The following PPIP5K2 variants were observed in gnomAD, a reference collection of about 807,000 sequenced individuals.
PPIP5K2 encodes the protein inositol hexakisphosphate and diphosphoinositol-pentakisphosphate kinase 2.
PPIP5K2 carries 105 observed loss-of-function variants against 154.6 expected under a neutral mutation model. The ratio of observed to expected loss-of-function variants is 0.68; its 90% CI spans 0.58 to 0.80. PPIP5K2 has a LOEUF of 0.80. Among genes scored for constraint, PPIP5K2 ranks in the 30% least tolerant of loss-of-function variants. PPIP5K2 has a pLI of 0.00. For missense variants in PPIP5K2, 992 were observed against 1,504.6 expected, an observed-to-expected ratio of 0.66 and a Z score of 5.64; for synonymous variants, 480 against 490.3, an observed-to-expected ratio of 0.98 and a Z score of 0.28.
rs1803676196 is a variant in PPIP5K2, at chr5:103,209,271, C to G, written c.*7637C>G. 1 of 151,976 alleles carries G rather than the reference C, an allele frequency of 6.6e-6. No individual in the cohort carries two copies. Among genetic ancestry groups the G allele is most frequent in the Non-Finnish European group, 1.5e-5 (1 of 68,006 alleles). 9.4% of individuals were successfully genotyped at this position (151,976 alleles called of 1,614,324 possible). On this transcript the variant is annotated 3_prime_UTR_variant, in exon 31 of 31. Coordinates refer to ENST00000358359, the MANE Select transcript of PPIP5K2 (RefSeq NM_001276277.3). ...GCTCTTTTATGGCTGCTCCTGTTGC[C>G]AGGGCAACAGCCTGCCTAGTAACAA...
At chr5:103,131,628 G>A (rs1168234754) in intron 2 of PPIP5K2, among the ~76,000 whole-genome samples, 3 of 152,088 alleles carry the variant, frequency 2.0e-5, no homozygotes, top group Non-Finnish European at 4.4e-5. Context: ...TCACTTTACA[G>A]AAGCTTGATT....
intron 3 of PPIP5K2, 62 bp from the exon 4 acceptor site, chr5:103,136,670 T>C (rs1554204353): frequency 1.5e-6 from 2 of 1,332,710 alleles, no homozygotes; most frequent in African/African-American, 2.9e-5. Flanking sequence ...CAATTCAAGT[T>C]AATAAAGTAT....
In PPIP5K2 at chr5:103,120,491, G is replaced by A. The variant is rs1554198621; in HGVS notation, c.-285+3G>A. On this transcript the variant is annotated splice_donor_region_variant and intron_variant, in intron 1 of 30. Coordinates refer to ENST00000358359, the MANE Select transcript of PPIP5K2 (RefSeq NM_001276277.3). ...CGTGACGACCGCATTCGTGGCAGGT[G>A]AGGGCCCAAAACCGGAGGAGAACCG... 1 of 456,564 alleles carries A rather than the reference G, an allele frequency of 2.2e-6. No homozygotes were observed. The highest frequency in any genetic ancestry group is 2.0e-5 in the African/African-American group (1 of 50,040). 28.3% of individuals were successfully genotyped at this position (456,564 alleles called of 1,614,324 possible).
At chr5:103,182,952 T>G (rs1554223431) in intron 24 of PPIP5K2, among the ~76,000 whole-genome samples, 2 of 152,086 alleles carry the variant, frequency 1.3e-5, no homozygotes, top group African/African-American at 4.8e-5. Flanking sequence ...TGAAGCAGTA[T>G]AAGTATTTTA....
At chr5:103,201,445 C>G in intron 30 of PPIP5K2, 77 bp from the exon 31 acceptor site, 1 of 779,402 alleles carries the variant, frequency 1.3e-6, no homozygotes, top group Non-Finnish European at 2.1e-6. Flanking sequence ...TTTTGTCAAT[C>G]AGCAGTATTA....
rs959635323 is a variant in PPIP5K2, at chr5:103,212,185, C to T, written c.*10551C>T. 6.6e-6 allele frequency: 1 copy of T among 151,984 alleles called. No homozygotes were observed. The highest frequency in any genetic ancestry group is 2.4e-5 in the African/African-American group (1 of 41,362). The allele number at this position is 151,984 out of a possible 1,614,324, so 9.4% of individuals were successfully genotyped here. A position where few individuals can be genotyped will look rare whatever the true frequency, so the allele number is the denominator to read the frequency against. On this transcript the variant is annotated 3_prime_UTR_variant, in exon 31 of 31. Coordinates refer to ENST00000358359, the MANE Select transcript of PPIP5K2 (RefSeq NM_001276277.3). Reference sequence around the variant, plus strand: ...AGGAAAGGGTTTCTCTTGACTGGACCACAAATATAAAATCTCATGCCCTCT... The same window carrying T: ...AGGAAAGGGTTTCTCTTGACTGGACTACAAATATAAAATCTCATGCCCTCT...
chr5:103,182,281 C>T (rs1356059653), intron 24 of PPIP5K2, among the ~76,000 whole-genome samples: 1 of 152,160 alleles, frequency 6.6e-6, no homozygotes, highest in Non-Finnish European at 1.5e-5. Context: ...TGCAACTCAT[C>T]TATATTTATA....
chr5:103,189,832 C>T (rs1296272423), intron 28 of PPIP5K2, among the ~76,000 whole-genome samples: 4 of 151,926 alleles, frequency 2.6e-5, no homozygotes, highest in African/African-American at 9.7e-5. Flanking sequence ...TGAGCACACG[C>T]CTATTGAAGC....
At chr5:103,136,894 T>G (rs1192280810) in intron 4 of PPIP5K2, 72 bp downstream of exon 4, 2 of 1,034,240 alleles carry the variant, frequency 1.9e-6, no homozygotes, top group African/African-American at 3.2e-5. Flanking sequence ...TACACTGACA[T>G]GGCATCAGGT....
At chr5:103,152,853 ATG>A in intron 10 of PPIP5K2, 104 bp downstream of exon 10, 1 of 666,702 alleles carries the variant, frequency 1.5e-6, no homozygotes, top group Non-Finnish European at 2.5e-6. Flanking sequence ...TTTAGTGTGT[ATG>A]ATTTCATATG....
rs1015576555 is a variant in PPIP5K2 at position 103,204,919 on chromosome 5, A to G, written c.*3285A>G. 3 of 151,968 alleles carry G rather than the reference A, an allele frequency of 2.0e-5. No individual in the cohort carries two copies. The highest frequency in any genetic ancestry group is 6.6e-5 in the Admixed American group (1 of 15,248). The allele number at this position is 151,968 out of a possible 1,614,324, so 9.4% of individuals were successfully genotyped here. On this transcript the variant is annotated 3_prime_UTR_variant, in exon 31 of 31. Transcript: ENST00000358359. ...TGTGCACAATGTGCAGGTTTGTTAC[A>G]TAGGTATACATGTGCCATGTTGGTT...
chr5:103,124,870 A>G (rs1253261936), intron 1 of PPIP5K2, among the ~76,000 whole-genome samples: 1 of 152,242 alleles, frequency 6.6e-6, no homozygotes, highest in East Asian at 1.9e-4. Context: ...TAAGGTACTT[A>G]CTAGGTAACA....
chr5:103,171,561 G>A (rs1017799370), intron 19 of PPIP5K2, among the ~76,000 whole-genome samples: 2 of 151,538 alleles, frequency 1.3e-5, no homozygotes, highest in African/African-American at 4.8e-5. Context: ...TTTGGTCCTA[G>A]TTGATAGAGG....
At chr5:103,174,138 G>A in intron 21 of PPIP5K2, 166 bp downstream of exon 21, 5 of 507,272 alleles carry the variant, frequency 9.9e-6, no homozygotes, top group South Asian at 3.1e-5. Context: ...TAGATTTTAG[G>A]GATAAAGATG....
At chr5:103,139,889 A>C (rs1374494983) in intron 5 of PPIP5K2, among the ~76,000 whole-genome samples, 3 of 152,204 alleles carry the variant, frequency 2.0e-5, no homozygotes, top group Non-Finnish European at 4.4e-5. Context: ...GACAAACTGA[A>C]ATATATATCA....
chr5:103,184,777 C>A, intron 26 of PPIP5K2, 33 bp downstream of exon 26: 6 of 1,519,362 alleles, frequency 3.9e-6, no homozygotes, highest in Non-Finnish European at 5.5e-6. Flanking sequence ...TGTTCCATAC[C>A]CTTCTTAAAC....
intron 1 of PPIP5K2, among the ~76,000 whole-genome samples, chr5:103,126,919 A>G (rs1356135979): frequency 2.0e-5 from 3 of 152,104 alleles, no homozygotes; most frequent in Non-Finnish European, 4.4e-5. Context: ...GCATCCTTCA[A>G]TCCAATCAAG....
intron 5 of PPIP5K2, among the ~76,000 whole-genome samples, chr5:103,142,784 A>AT (rs1195909495): frequency 8.6e-5 from 13 of 151,816 alleles, no homozygotes; most frequent in African/African-American, 3.1e-4. Context: ...TCAAAAAAAA[A>AT]AAAAAAATTC....
chr5:103,190,650 C>G (rs1801087203), intron 28 of PPIP5K2, among the ~76,000 whole-genome samples, 192 bp from the exon 29 acceptor site: 1 of 151,730 alleles, frequency 6.6e-6, no homozygotes, highest in African/African-American at 2.4e-5. Context: ...AAAAAGAAAT[C>G]TTTGTCACAT....
Sources: allele counts gnomAD v4.1 joint callset (sites outside exome capture counted in the v4.1 genomes callset), GRCh38; gene constraint gnomAD v4.1.1; transcripts MANE v1.5; gene names NCBI Gene and HGNC (gene_info 2026-07-23, HGNC 2026-07-21).